The following PLCB3 variants were observed in gnomAD, a reference collection of about 807,000 sequenced individuals.
PLCB3 encodes phospholipase C beta 3, also known as 1-phosphatidylinositol 4,5-bisphosphate phosphodiesterase beta-3.
PLCB3 carries 54 observed loss-of-function variants against 152.1 expected under a neutral mutation model. The observed-to-expected ratio is 0.36, with a 90% confidence interval of 0.29 to 0.45. The LOEUF is 0.45. Among genes scored for constraint, PLCB3 ranks in the 20% least tolerant of loss-of-function variants. The pLI, the probability that PLCB3 is intolerant of heterozygous loss-of-function variation, is 1.00. For missense variants in PLCB3, 1,248 were observed against 1,687.5 expected (o/e 0.74, Z 4.56); for synonymous variants, 717 against 698.7 (o/e 1.03, Z -0.41).
At chr11:64,262,615 C>T in intron 18 of PLCB3, 32 bp from the exon 19 acceptor site, 1 of 1,612,636 alleles carries the variant, frequency 6.2e-7, no homozygotes, top group Non-Finnish European at 8.5e-7. Context: ...GGACTCTCAG[C>T]ATCCGCCTCA....
At chr11:64,254,366 GC>G in intron 1 of PLCB3, 48 bp from the exon 2 acceptor site, 1 of 1,493,536 alleles carries the variant, frequency 6.7e-7, no homozygotes. Flanking sequence ...GGCCAGGCCT[GC>G]ACCACAGCCC....
rs1024183789 is a variant in PLCB3, at chr11:64,254,796, C to T, written c.226C>T (p.Arg76Trp). ...TTCCATCAGGGACACACGGACAGGC[C>T]GGTACGCCCGCCTGCCCAAGGTGAG... ...ISSIRDTRTGRYARLPKDPKI... is the reference protein window; with the variant it reads ...ISSIRDTRTGWYARLPKDPKI... The change falls in exon 3 of 31, where the codon CGG becomes TGG. Residue 76 changes from arginine (R) to tryptophan (W), a missense_variant. Arg to Trp is a moderately radical substitution (Grantham distance 101). This residue lies in a region of PLCB3 where 299 missense variants were observed against 434.7 expected (regional missense o/e 0.69). Coordinates refer to ENST00000279230, the MANE Select transcript of PLCB3 (RefSeq NM_000932.5). The T allele has an allele frequency of 3.1e-6, 5 of 1,613,492 alleles. No individual in the cohort carries two copies. The highest frequency in any genetic ancestry group is 2.7e-5 in the African/African-American group (2 of 74,926).
At position 64,255,396 on chromosome 11, in the gene PLCB3, A is replaced by G. The variant is rs147026548; in HGVS notation, c.468A>G (p.Ala156=). ...GTGACCTCTTCATCTGCCTTCCCAG[A>G]TACACGAAGCTGAAGCTGCAGGTGA... ...NASRNTFLRK[A]YTKLKLQVNQ... Residue 156 remains alanine (A), a splice_region_variant and synonymous_variant, in exon 6 of 31, where the codon GCA becomes GCG. Transcript: ENST00000279230. This position sits in a 1 kb window ranked among gnomAD's most constrained non-coding sequence, Gnocchi z 6.8. The G allele has an allele frequency of 6.8e-6, 11 of 1,613,980 alleles. No individual in the cohort carries two copies. In the African/African-American group the frequency reaches 1.5e-4, roughly 22 times the overall value.
chr11:64,252,370 G>A (rs1325808861), intron 1 of PLCB3, among the ~76,000 whole-genome samples: 2 of 151,934 alleles, frequency 1.3e-5, no homozygotes, highest in East Asian at 3.9e-4. Context: ...CACTCCTTAG[G>A]CTTGGGACCT....
Position 64,255,640 on chromosome 11 carries a change from G to A in PLCB3, c.597+24G>A, listed in dbSNP as rs978817491. ...GGGTGTGTGGGGTGGGGACAGGGGC[G>A]GGGTGGGGTGTCACGGTGGGCACCC... On this transcript the variant is annotated intron_variant, in intron 7 of 30. Transcript: ENST00000279230. The surrounding 1 kb of genome is among the most constrained non-coding windows in gnomAD (Gnocchi z 6.8). The A allele has an allele frequency of 5.0e-6, 8 of 1,596,824 alleles. No individual in the cohort carries two copies. Among genetic ancestry groups the A allele is most frequent in the African/African-American group, 2.7e-5 (2 of 74,724 alleles).
At position 64,254,253 on chromosome 11, in the gene PLCB3, G is replaced by C. The variant is rs548168786; in HGVS notation, c.100-162G>C. Among the ~76,000 whole-genome samples the C allele has an allele frequency of 6.6e-5, 10 of 152,258 alleles. No individual in the cohort carries two copies. In the East Asian group the frequency reaches 1.5e-3, roughly 24 times the overall value. ...ATGTCACACCTAGGACCTTGGCTTT[G>C]TTCTGAGGGCCACAGGCAGCCACAC... On this transcript the variant is annotated intron_variant, in intron 1 of 30. Transcript: ENST00000279230.
rs2032088102 is a variant in PLCB3 at position 64,265,845 on chromosome 11, G to A, written c.3036-41G>A. 13 of 1,600,970 alleles carry A rather than the reference G, an allele frequency of 8.1e-6. No homozygotes were observed. In the East Asian group the frequency reaches 2.9e-4, roughly 36 times the overall value. On this transcript the variant is annotated intron_variant, in intron 25 of 30. Coordinates refer to ENST00000279230, the MANE Select transcript of PLCB3 (RefSeq NM_000932.5). ...ACACACCCTCCCCATCCCAGTCCAT[G>A]TGACGGGCCCAGGCATCACCCAGAG...
intron 8 of PLCB3, 68 bp from the exon 9 acceptor site, chr11:64,256,308 C>A: frequency 6.8e-7 from 1 of 1,481,154 alleles, no homozygotes; most frequent in Non-Finnish European, 9.2e-7. Context: ...TTGCCCAGGG[C>A]AAGGGCTTGG....
chr11:64,263,885 C>A, intron 21 of PLCB3, 90 bp downstream of exon 21: 2 of 1,230,568 alleles, frequency 1.6e-6, no homozygotes, highest in Non-Finnish European at 2.4e-6. Flanking sequence ...AGCTGGATGG[C>A]CCCGACTGAG....
In PLCB3 at chr11:64,256,721, G is replaced by A. The variant is rs759048032; in HGVS notation, c.969G>A (p.Leu323=). 8.1e-6 allele frequency: 13 copies of A among 1,614,226 alleles called. No homozygotes were observed. Among genetic ancestry groups the A allele is most frequent in the Non-Finnish European group, 9.3e-6 (11 of 1,180,028 alleles). Residue 323 remains leucine (L), a synonymous_variant, in exon 10 of 31, where the codon CTG becomes CTA. Coordinates refer to ENST00000279230, the MANE Select transcript of PLCB3 (RefSeq NM_000932.5). ...LDLSTDMTQP[L]SAYFINSSHN... ...TGAGCACGGACATGACCCAGCCACT[G>A]AGTGCCTACTTCATCAACTCCTCGC...
At chr11:64,261,773 G>A (rs1665526125) in intron 16 of PLCB3, 108 bp downstream of exon 16, 13 of 1,408,168 alleles carry the variant, frequency 9.2e-6, no homozygotes, top group East Asian at 2.3e-5. Context: ...CTGGCCCTCC[G>A]GCGGCCCTCC....
In PLCB3 at chr11:64,267,409, GATCCGCCGGAGCCT is replaced by G; in HGVS notation, c.3559_3572del (p.Ile1187AlafsTer33). 6.5e-7 allele frequency: 1 copy of G among 1,540,350 alleles called. No homozygotes were observed. Among genetic ancestry groups the G allele is most frequent in the East Asian group, 2.4e-5 (1 of 41,074 alleles). ...AGCAGCGGGCGAGGCTCCCCCAGGA[GATCCGCCGGAGCCT>G]GCTGGGCGAGATGCCGGAGGGGCTG... is the stretch of plus-strand genomic sequence containing the variant. On this transcript the variant is annotated frameshift_variant, in exon 31 of 31. Coordinates refer to ENST00000279230, the MANE Select transcript of PLCB3 (RefSeq NM_000932.5). LOFTEE classifies it high-confidence loss of function. This position sits in a 1 kb window ranked among gnomAD's most constrained non-coding sequence, Gnocchi z 5.2.
Position 64,258,017 on chromosome 11 carries a change from G to A in PLCB3, c.1013-456G>A, listed in dbSNP as rs954658874. 7.2e-5 allele frequency among the ~76,000 whole-genome samples: 11 copies of A among 152,124 alleles called. No individual in the cohort carries two copies. The highest frequency in any genetic ancestry group is 2.4e-4 in the African/African-American group (10 of 41,422). The stretch of plus-strand genomic sequence containing the variant: ...AAAAATACAAAAATTAGCCAGGCAT[G>A]GTGGTGGGCAACTGTAATCCCAGCT... On this transcript the variant is annotated intron_variant, in intron 10 of 30. Transcript: ENST00000279230. This position sits in a 1 kb window ranked among gnomAD's most constrained non-coding sequence, Gnocchi z 7.2.
chr11:64,261,840 C>T (rs575768540), intron 16 of PLCB3, 112 bp from the exon 17 acceptor site: 1 of 1,528,858 alleles, frequency 6.5e-7, no homozygotes, highest in Non-Finnish European at 9.0e-7. Context: ...CATGGCTAGG[C>T]TAAGAAACAG....
chr11:64,252,729 G>A (rs2031289319), intron 1 of PLCB3, among the ~76,000 whole-genome samples: 1 of 152,140 alleles, frequency 6.6e-6, no homozygotes, highest in Non-Finnish European at 1.5e-5. Flanking sequence ...CCCCCAGGCT[G>A]GCCTGAAGGG....
rs1358556690 is a variant in PLCB3, at chr11:64,266,831, ACT to A, written c.3414+282_3414+283del. ...TTCTTTTTCTTTGAGACAGAGTCTC[ACT>A]CTGTCGCCCAGGCTGGAGTGCAGTG... On this transcript the variant is annotated intron_variant, in intron 29 of 30. Coordinates refer to ENST00000279230, the MANE Select transcript of PLCB3 (RefSeq NM_000932.5). This position sits in a 1 kb window ranked among gnomAD's most constrained non-coding sequence, Gnocchi z 4.9. 6.6e-6 allele frequency among the ~76,000 whole-genome samples: 1 copy of A among 150,990 alleles called. No homozygotes were observed. The highest frequency in any genetic ancestry group is 1.5e-5 in the Non-Finnish European group (1 of 67,744).
rs149063062 is a variant in PLCB3, at chr11:64,264,568, C to T, written c.2653-383C>T. On this transcript the variant is annotated intron_variant, in intron 22 of 30. Coordinates refer to ENST00000279230, the MANE Select transcript of PLCB3 (RefSeq NM_000932.5). ...AGCGGAGAGGCTGGTGCCCACTCTG[C>T]GGTTGAGTCCTCTGTTGATTTAATC... Among the ~76,000 whole-genome samples the T allele has an allele frequency of 9.5e-4, 143 of 151,286 alleles. 1 individual carries two copies. Among genetic ancestry groups the T allele is most frequent in the Non-Finnish European group, 6.6e-4 (45 of 67,830 alleles).
In PLCB3 at chr11:64,267,685, C is replaced by G. The variant is rs1386052459; in HGVS notation, c.*129C>G. The G allele has an allele frequency of 2.6e-6, 2 of 764,364 alleles. No individual in the cohort carries two copies. Among genetic ancestry groups the G allele is most frequent in the Non-Finnish European group, 4.1e-6 (2 of 489,764 alleles). The allele number at this position is 764,364 out of a possible 1,614,324, so 47.3% of individuals were successfully genotyped here. ...AAATTTTATTTTTTTAAACCCGGGG[C>G]AAGTACCTCAGCTAACTCCCTTCAT... On this transcript the variant is annotated 3_prime_UTR_variant, in exon 31 of 31. Transcript: ENST00000279230. The surrounding 1 kb of genome is among the most constrained non-coding windows in gnomAD (Gnocchi z 5.2).
chr11:64,268,001 T>G (rs2032217406), downstream of PLCB3: 1 of 160,722 alleles, frequency 6.2e-6, no homozygotes. Context: ...CTTTGGGCAT[T>G]TGGTGGGGTT....
Sources: gnomAD v4.1 joint callset for allele counts (sites outside exome capture counted in the v4.1 genomes callset) on GRCh38, gnomAD v4.1.1 for gene constraint, gnomAD v4.1.1 regional missense constraint, Gnocchi (gnomAD v3.1) non-coding constraint, MANE v1.5 for transcripts, NCBI Gene and HGNC (gene_info 2026-07-23, HGNC 2026-07-21) for gene names.